Variants in TRAK1 observed in about 807,000 individuals in gnomAD.
The protein encoded by TRAK1 is trafficking kinesin protein 1, also known as trafficking kinesin-binding protein 1.
TRAK1 carries 33 observed loss-of-function variants against 92.1 expected under a neutral mutation model. The ratio of observed to expected loss-of-function variants is 0.36; its 90% CI spans 0.27 to 0.48. The LOEUF is 0.48. TRAK1 is among the 20% of genes least tolerant of loss of function. The pLI is 0.99. For missense variants in TRAK1, 1,123 were observed against 1,257.9 expected (o/e 0.89, Z 1.62); for synonymous variants, 521 against 517.3 (o/e 1.01, Z -0.10).
At chr3:42,195,065 C>A in intron 10 of TRAK1, 124 bp downstream of exon 10, 1 of 1,204,112 alleles carries the variant, frequency 8.3e-7, no homozygotes, top group Admixed American at 2.6e-5. Flanking sequence ...CAGTTCAGAT[C>A]TGAGTCTGAA....
chr3:42,055,829 T>C (rs1401425593), intron 1 of TRAK1, among the ~76,000 whole-genome samples: 2 of 152,114 alleles, frequency 1.3e-5, no homozygotes, highest in African/African-American at 4.8e-5. Context: ...TAGCAGTTAC[T>C]CCCCATTTCC....
intron 2 of TRAK1, among the ~76,000 whole-genome samples, chr3:42,151,156 C>A (rs896852858): frequency 6.6e-6 from 1 of 152,192 alleles, no homozygotes; most frequent in Admixed American, 6.5e-5. Context: ...GGCCATAGCT[C>A]TGTGGATGCC....
chr3:42,025,234 G>C (rs1442176886), intron 1 of TRAK1, among the ~76,000 whole-genome samples: 1 of 152,116 alleles, frequency 6.6e-6, no homozygotes, highest in Non-Finnish European at 1.5e-5. Flanking sequence ...TAACTTCCCA[G>C]ACCAGCACTC....
chr3:42,086,168 T>C (rs1704661589), upstream of TRAK1, among the ~76,000 whole-genome samples: 1 of 152,254 alleles, frequency 6.6e-6, no homozygotes, highest in Admixed American at 6.5e-5. Context: ...ATCGCCTGCA[T>C]GTAGGTGTGC....
intron 1 of TRAK1, among the ~76,000 whole-genome samples, chr3:42,053,752 C>T (rs1022804000): frequency 2.6e-5 from 4 of 152,054 alleles, no homozygotes; most frequent in Non-Finnish European, 5.9e-5. Context: ...CATCATACCG[C>T]CTTTCCCCTC....
chr3:42,114,239 A>G (rs1041953259), intron 1 of TRAK1, among the ~76,000 whole-genome samples: 1 of 152,194 alleles, frequency 6.6e-6, no homozygotes, highest in Non-Finnish European at 1.5e-5. Flanking sequence ...GATGGGTGTT[A>G]GGATTGTTTT....
intron 2 of TRAK1, among the ~76,000 whole-genome samples, chr3:42,128,851 G>C (rs1238847362): frequency 6.6e-6 from 1 of 151,728 alleles, no homozygotes; most frequent in Non-Finnish European, 1.5e-5. Flanking sequence ...GGGTAGAGCT[G>C]TTTTGTTATA....
At chr3:42,073,242 C>T (rs1476099653) in intron 1 of TRAK1, among the ~76,000 whole-genome samples, 3 of 152,188 alleles carry the variant, frequency 2.0e-5, no homozygotes, top group African/African-American at 7.2e-5. Context: ...CCTTTGTCAT[C>T]TCCTTCCCTG....
chr3:42,211,950 G>T (rs898088076), intron 14 of TRAK1: 5 of 985,302 alleles, frequency 5.1e-6, no homozygotes, highest in Non-Finnish European at 4.8e-6. Flanking sequence ...GGTAATTTAG[G>T]AAGGGTCTGA....
chr3:42,020,189 T>C (rs1701674102), intron 1 of TRAK1, among the ~76,000 whole-genome samples: 1 of 152,214 alleles, frequency 6.6e-6, no homozygotes, highest in South Asian at 2.1e-4. Flanking sequence ...GGAACAAATA[T>C]TTTATATCAT....
At chr3:42,023,908 C>T (rs1386596407) in intron 1 of TRAK1, among the ~76,000 whole-genome samples, 1 of 151,926 alleles carries the variant, frequency 6.6e-6, no homozygotes, top group Non-Finnish European at 1.5e-5. Flanking sequence ...GCGCCTGCCA[C>T]CACGCCTGGC....
At chr3:42,053,387 G>T in intron 1 of TRAK1, among the ~76,000 whole-genome samples, 1 of 133,400 alleles carries the variant, frequency 7.5e-6, no homozygotes, top group South Asian at 2.8e-4. Flanking sequence ...GGGGGGGGGG[G>T]CGGGGGATGG....
rs764568576 is a variant in TRAK1, at chr3:42,223,746, G to A, written c.*9G>A. 1 of 1,593,668 alleles carries A rather than the reference G, an allele frequency of 6.3e-7. No individual in the cohort carries two copies. Among genetic ancestry groups the A allele is most frequent in the South Asian group, 1.1e-5 (1 of 89,186 alleles). On this transcript the variant is annotated 3_prime_UTR_variant, in exon 16 of 16. Coordinates refer to ENST00000327628, the MANE Select transcript of TRAK1 (RefSeq NM_001042646.3). This position sits in a 1 kb window ranked among gnomAD's most constrained non-coding sequence, Gnocchi z 6.1. Reference sequence around the variant, plus strand: ...AAACTAGCTTACGGTGAGGACTGGAGGGGGGCCGGTTGCCCTAGAGGAGAC... The same window carrying A: ...AAACTAGCTTACGGTGAGGACTGGAAGGGGGCCGGTTGCCCTAGAGGAGAC...
intron 1 of TRAK1, among the ~76,000 whole-genome samples, chr3:42,022,986 G>T (rs568595670): frequency 6.6e-6 from 1 of 151,730 alleles, no homozygotes; most frequent in South Asian, 2.1e-4. Flanking sequence ...GTGAAACCCT[G>T]TCTCCACTAA....
intron 10 of TRAK1, 138 bp downstream of exon 10, chr3:42,195,079 A>G: frequency 9.3e-7 from 1 of 1,070,846 alleles, no homozygotes. Context: ...GTCTGAATCA[A>G]GGACACTTGA....
intron 1 of TRAK1, among the ~76,000 whole-genome samples, chr3:42,097,954 G>C (rs1003382995): frequency 2.0e-5 from 3 of 152,160 alleles, no homozygotes; most frequent in Admixed American, 1.3e-4. Flanking sequence ...CCAGGGTCCA[G>C]TGATGTTTCT....
chr3:42,223,167 G>T lies in TRAK1; in HGVS notation c.2292G>T (p.Arg764=), dbSNP rs766984246. 1.2e-6 allele frequency: 2 copies of T among 1,614,000 alleles called. No individual in the cohort carries two copies. The highest frequency in any genetic ancestry group is 8.5e-7 in the Non-Finnish European group (1 of 1,179,998). Reference sequence around the variant, plus strand: ...CCCAGAGCTGGGACAGGGCCGGCCGGGGCTCCCTCCTGCACTCCTACACGC... The same window carrying T: ...CCCAGAGCTGGGACAGGGCCGGCCGTGGCTCCCTCCTGCACTCCTACACGC... The part of the protein sequence containing the change: ...YDPQSWDRAG[R]GSLLHSYTPK... Residue 764 remains arginine, a synonymous_variant, in exon 16 of 16, where the codon CGG becomes CGT. Transcript: ENST00000327628. The surrounding 1 kb of genome is among the most constrained non-coding windows in gnomAD (Gnocchi z 6.1).
intron 1 of TRAK1, among the ~76,000 whole-genome samples, chr3:42,074,077 G>A (rs1201226904): frequency 1.3e-5 from 2 of 152,170 alleles, no homozygotes; most frequent in African/African-American, 2.4e-5. Flanking sequence ...TGGAATGTCC[G>A]ATTCTCCACT....
At chr3:42,154,978 A>C (rs961965451) in intron 2 of TRAK1, among the ~76,000 whole-genome samples, 6 of 151,868 alleles carry the variant, frequency 4.0e-5, no homozygotes, top group Admixed American at 3.9e-4. Flanking sequence ...CAGAGGAAAA[A>C]CTTTATGCCT....
Sources: gnomAD v4.1 joint callset for allele counts (sites outside exome capture counted in the v4.1 genomes callset) on GRCh38, gnomAD v4.1.1 for gene constraint, Gnocchi (gnomAD v3.1) non-coding constraint, MANE v1.5 for transcripts, NCBI Gene and HGNC (gene_info 2026-07-23, HGNC 2026-07-21) for gene names.